The following COG5 variants were observed in gnomAD, a reference collection of about 807,000 sequenced individuals.
COG5 encodes component of oligomeric golgi complex 5, also known as conserved oligomeric Golgi complex subunit 5.
Under a neutral mutation model 110.4 loss-of-function variants are expected in COG5, and 86 were observed. The ratio of observed to expected loss-of-function variants is 0.78; its 90% CI spans 0.65 to 0.93. The LOEUF is 0.93. Ranked by LOEUF, COG5 falls within the 40% of genes least tolerant of loss-of-function variation. The pLI is 0.00. For synonymous variants in COG5, 360 were observed against 334.6 expected (o/e 1.08, Z -0.83); for missense variants, 1,077 against 987.0 (o/e 1.09, Z -1.22).
intron 5 of COG5, among the ~76,000 whole-genome samples, chr7:107,531,777 CCAG>C (rs1801227299): frequency 6.6e-6 from 1 of 151,458 alleles, no homozygotes; most frequent in Admixed American, 6.6e-5. Context: ...TCCATTTCGG[CCAG>C]CAGAAGCCTC....
At chr7:107,441,255 CAAAAAAAAAAA>C (rs551026030) in intron 6 of COG5, among the ~76,000 whole-genome samples, 17 of 71,330 alleles carry the variant, frequency 2.4e-4, no homozygotes, top group African/African-American at 9.1e-4. Context: ...GACTCCGTCT[CAAAAAAAAAAA>C]AAAAAAAAAA....
intron 14 of COG5, among the ~76,000 whole-genome samples, chr7:107,273,371 C>A (rs541455703): frequency 7.5e-4 from 114 of 152,224 alleles, no homozygotes; most frequent in African/African-American, 2.6e-3. Context: ...CACAGCCTAA[C>A]CTTGATTAAA....
At chr7:107,492,021 T>A (rs141503862) in intron 6 of COG5, among the ~76,000 whole-genome samples, 1 of 152,268 alleles carries the variant, frequency 6.6e-6, no homozygotes, top group African/African-American at 2.4e-5. Flanking sequence ...CCATTACAGC[T>A]GTTTATTTTT....
chr7:107,387,268 G>C (rs940789200), intron 7 of COG5, among the ~76,000 whole-genome samples: 1 of 152,196 alleles, frequency 6.6e-6, no homozygotes, highest in Admixed American at 6.5e-5. Context: ...CTGGACAGCA[G>C]AGGCAGCAAC....
chr7:107,414,939 G>A (rs2129068732), intron 6 of COG5, among the ~76,000 whole-genome samples: 1 of 151,744 alleles, frequency 6.6e-6, no homozygotes, highest in South Asian at 2.1e-4. Context: ...TTTTGGCCAG[G>A]ATGGTCTTGA....
intron 6 of COG5, among the ~76,000 whole-genome samples, chr7:107,440,369 T>C (rs1483624753): frequency 6.6e-6 from 1 of 152,104 alleles, no homozygotes; most frequent in Non-Finnish European, 1.5e-5. Flanking sequence ...ATAGTTTAGT[T>C]TTGGTTGTTT....
Position 107,282,131 on chromosome 7 carries a change from T to A in COG5, c.1476-732A>T, listed in dbSNP as rs578235760. On this transcript the variant is annotated intron_variant, in intron 13 of 21. Coordinates refer to ENST00000297135, the MANE Select transcript of COG5 (RefSeq NM_006348.5). ...ATTGTCCCTAAAGTAGTAGAGTAAATCTTACCAGATTCTCTTTTTAAAGAA... is the reference window on the plus strand; with the variant it reads ...ATTGTCCCTAAAGTAGTAGAGTAAAACTTACCAGATTCTCTTTTTAAAGAA... Among the ~76,000 whole-genome samples, 11 of 152,034 alleles carry A rather than the reference T, an allele frequency of 7.2e-5. No individual in the cohort carries two copies. The East Asian group carries it at 2.1e-3, about 29-fold the overall frequency.
chr7:107,380,069 A>G (rs1162727197), intron 7 of COG5, among the ~76,000 whole-genome samples: 3 of 152,252 alleles, frequency 2.0e-5, no homozygotes, highest in South Asian at 2.1e-4. Flanking sequence ...AAATCCTAAC[A>G]GTCTCTCAGA....
intron 5 of COG5, among the ~76,000 whole-genome samples, chr7:107,532,377 CA>C (rs1801277188): frequency 6.6e-6 from 1 of 152,022 alleles, no homozygotes; most frequent in Non-Finnish European, 1.5e-5. Context: ...ATTTCAAGAC[CA>C]CATTCACAGA....
chr7:107,293,519 G>A (rs906696869), intron 12 of COG5, among the ~76,000 whole-genome samples: 1 of 152,154 alleles, frequency 6.6e-6, no homozygotes, highest in Non-Finnish European at 1.5e-5. Flanking sequence ...AGACTTTCTT[G>A]AATAGATGTT....
intron 12 of COG5, among the ~76,000 whole-genome samples, chr7:107,294,262 T>C (rs1437453984): frequency 6.6e-6 from 1 of 152,196 alleles, no homozygotes; most frequent in Non-Finnish European, 1.5e-5. Context: ...TTCCATTAAC[T>C]AGTCGTATCC....
Position 107,242,651 on chromosome 7 carries a change from A to G in COG5, c.1853+5745T>C, listed in dbSNP as rs1472373549. Among the ~76,000 whole-genome samples, 112 of 152,178 alleles carry G rather than the reference A, an allele frequency of 7.4e-4. 1 individual carries two copies. The highest frequency in any genetic ancestry group is 5.9e-5 in the Non-Finnish European group (4 of 68,022). ...CCTAAGTACCTTATCCACACCTCCA[A>G]CAAGCTGCAGTCAACCCAAGGAGAG... On this transcript the variant is annotated intron_variant, in intron 17 of 21. Transcript: ENST00000297135.
At chr7:107,554,213 A>G (rs1803127712) in intron 3 of COG5, 72 bp downstream of exon 3, 1 of 1,352,452 alleles carries the variant, frequency 7.4e-7, no homozygotes. Context: ...CTTGCCATCC[A>G]AAGTAGCTTG....
chr7:107,339,098 A>T (rs572655978), intron 10 of COG5, among the ~76,000 whole-genome samples: 1 of 152,220 alleles, frequency 6.6e-6, no homozygotes, highest in Non-Finnish European at 1.5e-5. Flanking sequence ...GGTAAAACAA[A>T]CAAGATTCAT....
At chr7:107,431,862 C>T (rs898731227) in intron 6 of COG5, among the ~76,000 whole-genome samples, 3 of 152,060 alleles carry the variant, frequency 2.0e-5, no homozygotes, top group African/African-American at 2.4e-5. Context: ...CACTTTGTTG[C>T]CTAGGCTGGT....
intron 12 of COG5, among the ~76,000 whole-genome samples, chr7:107,290,562 C>T (rs1041791619): frequency 6.6e-6 from 1 of 152,220 alleles, no homozygotes; most frequent in Admixed American, 6.5e-5. Context: ...GGGTCACTCG[C>T]TTTCAGCCTG....
chr7:107,366,374 G>A (rs1057306475), intron 8 of COG5, among the ~76,000 whole-genome samples: 1 of 152,050 alleles, frequency 6.6e-6, no homozygotes, highest in Non-Finnish European at 1.5e-5. Flanking sequence ...CCAAGTGCAA[G>A]AAGATACTAG....
chr7:107,370,357 G>A (rs1814026828), intron 8 of COG5, among the ~76,000 whole-genome samples: 1 of 152,078 alleles, frequency 6.6e-6, no homozygotes, highest in South Asian at 2.1e-4. Context: ...CCACCTGGAA[G>A]TTACTGACCT....
chr7:107,505,930 T>C (rs1439893342), intron 6 of COG5, among the ~76,000 whole-genome samples: 1 of 152,178 alleles, frequency 6.6e-6, no homozygotes, highest in Non-Finnish European at 1.5e-5. Flanking sequence ...AGATATGGCC[T>C]GTCCTCAAGT....
Sources: allele counts gnomAD v4.1 joint callset (sites outside exome capture counted in the v4.1 genomes callset), GRCh38; gene constraint gnomAD v4.1.1; transcripts MANE v1.5; gene names NCBI Gene and HGNC (gene_info 2026-07-23, HGNC 2026-07-21).